ZNF292: variants seen among roughly 807,000 people sequenced by gnomAD.
ZNF292 encodes 16 zinc-finger domain protein.
A neutral mutation model predicts 217.9 loss-of-function variants in ZNF292; 26 were observed. That is an observed-to-expected ratio of 0.12 (90% CI 0.09 to 0.17). The LOEUF is 0.17. ZNF292 is among the 10% of genes least tolerant of loss of function. The pLI is 1.00. For synonymous variants in ZNF292, 1,257 were observed against 1,124.1 expected (o/e 1.12, Z -2.37); for missense variants, 2,904 against 3,175.2 (o/e 0.91, Z 2.05).
At chr6:87,212,899 GTTC>G (rs939749276) in intron 1 of ZNF292, among the ~76,000 whole-genome samples, 5 of 152,282 alleles carry the variant, frequency 3.3e-5, no homozygotes, top group Admixed American at 2.6e-4. Flanking sequence ...AGAAATATAA[GTTC>G]TTCTTTATTT....
At chr6:87,160,485 A>G (rs1199304818) in intron 1 of ZNF292, among the ~76,000 whole-genome samples, 4 of 66,800 alleles carry the variant, frequency 6.0e-5, no homozygotes, top group African/African-American at 1.0e-4. Context: ...ATGTGTTTGT[A>G]TATATATGTG....
At chr6:87,187,062 A>G (rs1771684746) in intron 1 of ZNF292, among the ~76,000 whole-genome samples, 1 of 152,200 alleles carries the variant, frequency 6.6e-6, no homozygotes, top group Admixed American at 6.5e-5. Context: ...TATATGAGCT[A>G]GTAAATTAAT....
chr6:87,258,150 A>G lies in ZNF292; in HGVS notation c.4521A>G (p.Glu1507=). The G allele has an allele frequency of 2.5e-6, 4 of 1,612,158 alleles. No homozygotes were observed. The highest frequency in any genetic ancestry group is 1.7e-5 in the Admixed American group (1 of 59,608). Residue 1507 remains glutamate, a synonymous_variant, in exon 8 of 8, where the codon GAA becomes GAG. Coordinates refer to ENST00000369577, the MANE Select transcript of ZNF292 (RefSeq NM_015021.3). ...TTCCCAGTACATTTGAGGGTGCCGA[A>G]ATGCTTTCTCATGTTTCAACAGGTT... ...AGIPSTFEGA[E]MLSHVSTGCV...
At chr6:87,165,819 C>T (rs1383367985) in intron 1 of ZNF292, among the ~76,000 whole-genome samples, 3 of 143,620 alleles carry the variant, frequency 2.1e-5, no homozygotes, top group East Asian at 4.1e-4. Context: ...AGTGCAGTGG[C>T]GTGATCTCAG....
chr6:87,226,861 G>A (rs976585680), intron 4 of ZNF292, among the ~76,000 whole-genome samples: 6 of 151,672 alleles, frequency 4.0e-5, no homozygotes, highest in Non-Finnish European at 7.4e-5. Flanking sequence ...TATATTTTTA[G>A]TGGAGACGGG....
chr6:87,180,276 C>CT (rs1361126001), intron 1 of ZNF292, among the ~76,000 whole-genome samples: 6 of 152,368 alleles, frequency 3.9e-5, no homozygotes, highest in African/African-American at 1.4e-4. Flanking sequence ...GGCATTTCTT[C>CT]TTTATGTGAT....
intron 3 of ZNF292, among the ~76,000 whole-genome samples, chr6:87,216,693 G>A (rs1772800060): frequency 6.6e-6 from 1 of 151,950 alleles, no homozygotes. Flanking sequence ...TCTTCAATGT[G>A]CTTTATAAGA....
At chr6:87,242,828 T>C (rs1283812005) in intron 5 of ZNF292, among the ~76,000 whole-genome samples, 1 of 152,216 alleles carries the variant, frequency 6.6e-6, no homozygotes, top group African/African-American at 2.4e-5. Flanking sequence ...CATCATTAAA[T>C]GAAGCAAGTT....
intron 1 of ZNF292, among the ~76,000 whole-genome samples, chr6:87,211,842 C>A (rs982728590): frequency 6.6e-6 from 1 of 152,160 alleles, no homozygotes; most frequent in Non-Finnish European, 1.5e-5. Context: ...TATGCCATCT[C>A]CCCCCAACTC....
Position 87,256,297 on chromosome 6 carries a change from T to G in ZNF292, c.2668T>G (p.Trp890Gly). Residue 890 changes from tryptophan to glycine, a missense_variant, in exon 8 of 8, where the codon TGG (tryptophan) becomes GGG (glycine). Trp to Gly is a radical substitution (Grantham distance 184, BLOSUM62 -2). This residue lies in a region of ZNF292 where 687 missense variants were observed against 623.0 expected (regional missense o/e 1.10). Coordinates refer to ENST00000369577, the MANE Select transcript of ZNF292 (RefSeq NM_015021.3). The stretch of plus-strand genomic sequence containing the variant: ...CTTACTAGCAGATAGAAGTGATGCT[T>G]GGGATAAAAGCAAAGCAGAATCAGC... ...NSLLADRSDA[W>G]DKSKAESAVT... The G allele has an allele frequency of 6.2e-7, 1 of 1,613,692 alleles. No individual in the cohort carries two copies. Among genetic ancestry groups the G allele is most frequent in the Non-Finnish European group, 8.5e-7 (1 of 1,179,848 alleles).
chr6:87,248,711 C>A (rs1774739757), intron 7 of ZNF292, among the ~76,000 whole-genome samples: 1 of 152,226 alleles, frequency 6.6e-6, no homozygotes, highest in African/African-American at 2.4e-5. Flanking sequence ...GAACTTGGAA[C>A]TAGAAGCCAA....
At position 87,175,033 on chromosome 6, in the gene ZNF292, C is replaced by G. The variant is rs568006011; in HGVS notation, c.168+19274C>G. Among the ~76,000 whole-genome samples, 13 of 152,210 alleles carry G rather than the reference C, an allele frequency of 8.5e-5. No homozygotes were observed. In the East Asian group the frequency reaches 2.5e-3, roughly 29 times the overall value. ...CATCTTCTCGTATGTGTACTTGATC[C>G]CCACCACTTCAGAGAACCATCCCAC... On this transcript the variant is annotated intron_variant, in intron 1 of 7. Transcript: ENST00000369577.
At chr6:87,251,704 C>A (rs1188499568) in intron 7 of ZNF292, among the ~76,000 whole-genome samples, 2 of 152,084 alleles carry the variant, frequency 1.3e-5, no homozygotes, top group South Asian at 2.1e-4. Context: ...TAAAACTTAC[C>A]TGCTGTATAG....
chr6:87,233,267 G>T, intron 4 of ZNF292, 58 bp from the exon 5 acceptor site: 2 of 1,204,474 alleles, frequency 1.7e-6, no homozygotes, highest in Admixed American at 2.5e-5. Context: ...ATAAGTGTTG[G>T]TATTGCAAAT....
intron 1 of ZNF292, among the ~76,000 whole-genome samples, chr6:87,160,969 GA>G (rs974066238): frequency 1.3e-5 from 2 of 151,848 alleles, no homozygotes; most frequent in Non-Finnish European, 2.9e-5. Context: ...ATATCTAGAA[GA>G]TTTTTTTTTT....
chr6:87,162,364 T>G (rs922712732), intron 1 of ZNF292, among the ~76,000 whole-genome samples: 3 of 152,248 alleles, frequency 2.0e-5, no homozygotes, highest in African/African-American at 7.2e-5. Context: ...CATGTTACAT[T>G]ATAACTGCAA....
Position 87,261,767 on chromosome 6 carries a change from G to GT in ZNF292, c.8139dup (p.Ile2714TyrfsTer3), listed in dbSNP as rs769701632. Reference sequence around the variant, plus strand: ...GATATGTCTGTTATGAAAGATATCAGTATAGGTAAAGCCACAGGCAGAGGT... The same window carrying GT: ...GATATGTCTGTTATGAAAGATATCAGTTATAGGTAAAGCCACAGGCAGAGGT... On this transcript the variant is annotated frameshift_variant, in exon 8 of 8. Coordinates refer to ENST00000369577, the MANE Select transcript of ZNF292 (RefSeq NM_015021.3). LOFTEE classifies it high-confidence loss of function. 3 of 1,612,432 alleles carry GT rather than the reference G, an allele frequency of 1.9e-6. No individual in the cohort carries two copies. In the Admixed American group the frequency reaches 5.0e-5, roughly 27 times the overall value.
rs925563990 is a variant in ZNF292 at position 87,165,074 on chromosome 6, T to G, written c.168+9315T>G. On this transcript the variant is annotated intron_variant, in intron 1 of 7. Transcript: ENST00000369577. The stretch of plus-strand genomic sequence containing the variant: ...CACCTCACCTGGCCAGAATGACCTC[T>G]TTATTTACTATGCTTGTTTACCTTG... 1.2e-4 allele frequency among the ~76,000 whole-genome samples: 19 copies of G among 152,280 alleles called. No homozygotes were observed. In the East Asian group the frequency reaches 3.5e-3, roughly 28 times the overall value.
At chr6:87,201,712 A>AATTT (rs1290797474) in intron 1 of ZNF292, among the ~76,000 whole-genome samples, 20 of 152,156 alleles carry the variant, frequency 1.3e-4, no homozygotes, top group Non-Finnish European at 2.8e-4. Context: ...CCTCATCCTA[A>AATTT]AGTTTTAAAG....
Sources: allele counts gnomAD v4.1 joint callset (sites outside exome capture counted in the v4.1 genomes callset), GRCh38; gene constraint gnomAD v4.1.1; regional missense constraint gnomAD v4.1.1; transcripts MANE v1.5; gene names NCBI Gene and HGNC (gene_info 2026-07-23, HGNC 2026-07-21).